Variants in APH1B observed in about 807,000 individuals in gnomAD.
APH1B encodes the protein gamma-secretase subunit APH-1B.
Under a neutral mutation model 28.2 loss-of-function variants are expected in APH1B, and 27 were observed. That is an observed-to-expected ratio of 0.96 (90% CI 0.70 to 1.32). The LOEUF is 1.32. Among genes scored for constraint, APH1B ranks in the 40% most tolerant of loss-of-function variants. The pLI is 0.00. For synonymous variants in APH1B, 141 were observed against 124.6 expected, an observed-to-expected ratio of 1.13 and a Z score of -0.88; for missense variants, 305 against 313.6, an observed-to-expected ratio of 0.97 and a Z score of 0.21.
At chr15:63,296,111 C>T (rs2038564212) in intron 4 of APH1B, among the ~76,000 whole-genome samples, 1 of 152,142 alleles carries the variant, frequency 6.6e-6, no homozygotes, top group Non-Finnish European at 1.5e-5. Context: ...AGTTAAATCC[C>T]CATTAGAGAA....
At position 63,294,492 on chromosome 15, in the gene APH1B, C is replaced by A. The variant is rs565239011; in HGVS notation, c.478+6946C>A. On this transcript the variant is annotated intron_variant, in intron 4 of 5. Transcript: ENST00000261879. ...CCACTTGTACCAGTTCACTTTTCCC[C>A]CTTTCCACAGCTCTGCTAAAGACAG... 2.0e-5 allele frequency among the ~76,000 whole-genome samples: 3 copies of A among 152,178 alleles called. No homozygotes were observed. In the South Asian group the frequency reaches 6.2e-4, roughly 32 times the overall value.
At chr15:63,279,648 G>T (rs74977919) in intron 2 of APH1B, among the ~76,000 whole-genome samples, 442 of 152,270 alleles carry the variant, frequency 2.9e-3, no homozygotes, top group Non-Finnish European at 4.0e-3. Context: ...AGTAGGAAGA[G>T]ACAGACAATA....
At chr15:63,305,396 G>A (rs908824872) in intron 5 of APH1B, among the ~76,000 whole-genome samples, 1 of 152,114 alleles carries the variant, frequency 6.6e-6, no homozygotes, top group Non-Finnish European at 1.5e-5. Flanking sequence ...TGCCTTCTAG[G>A]GTTACCATCT....
intron 4 of APH1B, among the ~76,000 whole-genome samples, chr15:63,293,603 T>C (rs1412295298): frequency 1.3e-5 from 2 of 152,102 alleles, no homozygotes; most frequent in Non-Finnish European, 2.9e-5. Flanking sequence ...GTTCAAGCGA[T>C]TCTCCTGCCT....
At chr15:63,287,302 C>T (rs976605352) in intron 3 of APH1B, 122 bp from the exon 4 acceptor site, 2 of 1,365,722 alleles carry the variant, frequency 1.5e-6, no homozygotes, top group African/African-American at 2.9e-5. Flanking sequence ...CAGCTGTCCA[C>T]TGCTTCAGGA....
At position 63,299,226 on chromosome 15, in the gene APH1B, G is replaced by A. The variant is rs527489660; in HGVS notation, c.479-3119G>A. ...GAGGTGTATGGACTTGACTTTGGAGGCAAAGTCAATCCATCAGACTTCTTA... is the reference window on the plus strand; with the variant it reads ...GAGGTGTATGGACTTGACTTTGGAGACAAAGTCAATCCATCAGACTTCTTA... On this transcript the variant is annotated intron_variant, in intron 4 of 5. Transcript: ENST00000261879. Among the ~76,000 whole-genome samples, 4 of 152,166 alleles carry A rather than the reference G, an allele frequency of 2.6e-5. No individual in the cohort carries two copies. The East Asian group carries it at 7.7e-4, about 29-fold the overall frequency.
At chr15:63,295,220 CAT>C (rs2038552245) in intron 4 of APH1B, among the ~76,000 whole-genome samples, 1 of 152,174 alleles carries the variant, frequency 6.6e-6, no homozygotes, top group African/African-American at 2.4e-5. Context: ...TAGAGACAAA[CAT>C]AGAAATTAAT....
intron 2 of APH1B, among the ~76,000 whole-genome samples, chr15:63,285,916 C>T (rs1296981722): frequency 2.0e-5 from 3 of 152,126 alleles, no homozygotes; most frequent in Non-Finnish European, 2.9e-5. Flanking sequence ...ATATGTAAAA[C>T]GTTTTAGAAT....
chr15:63,280,930 C>T (rs1301075606), intron 2 of APH1B, among the ~76,000 whole-genome samples: 4 of 152,188 alleles, frequency 2.6e-5, no homozygotes, highest in Non-Finnish European at 4.4e-5. Context: ...AGGCCAATTG[C>T]TTGAGCTGAG....
intron 2 of APH1B, among the ~76,000 whole-genome samples, chr15:63,281,520 A>T (rs2038387086): frequency 7.1e-6 from 1 of 139,862 alleles, no homozygotes; most frequent in African/African-American, 2.6e-5. Flanking sequence ...TTTTCATGCC[A>T]TGGGTCTAAT....
intron 2 of APH1B, among the ~76,000 whole-genome samples, chr15:63,281,149 C>T (rs922295559): frequency 1.3e-5 from 2 of 151,702 alleles, no homozygotes; most frequent in Non-Finnish European, 2.9e-5. Flanking sequence ...AAAAAACAAA[C>T]AAGCAAAAAC....
intron 2 of APH1B, among the ~76,000 whole-genome samples, chr15:63,282,137 A>T (rs1322022361): frequency 6.6e-6 from 1 of 152,218 alleles, no homozygotes; most frequent in Non-Finnish European, 1.5e-5. Flanking sequence ...ATAATGCTTT[A>T]TTTATGACTG....
At chr15:63,279,356 T>G in intron 2 of APH1B, 25 bp downstream of exon 2, 2 of 1,565,948 alleles carry the variant, frequency 1.3e-6, no homozygotes, top group Non-Finnish European at 1.7e-6. Context: ...TGCCTTACCT[T>G]TTTTTTCCCC....
At chr15:63,303,965 C>T (rs143026998) in intron 5 of APH1B, among the ~76,000 whole-genome samples, 106 of 151,502 alleles carry the variant, frequency 7.0e-4, no homozygotes, top group African/African-American at 2.4e-3. Flanking sequence ...GTACATGTGT[C>T]GACTGTTCAT....
At chr15:63,295,414 G>GTTTTA (rs2038554889) in intron 4 of APH1B, among the ~76,000 whole-genome samples, 1 of 152,174 alleles carries the variant, frequency 6.6e-6, no homozygotes, top group South Asian at 2.1e-4. Flanking sequence ...GTTTTGTTTT[G>GTTTTA]TTTTGCAGCA....
chr15:63,281,452 A>G (rs2038386662), intron 2 of APH1B, among the ~76,000 whole-genome samples: 2 of 151,624 alleles, frequency 1.3e-5, no homozygotes, highest in Non-Finnish European at 2.9e-5. Context: ...TACTCTTCAC[A>G]GCTCAGCCTC....
At chr15:63,286,999 G>A (rs908303465) in intron 3 of APH1B, among the ~76,000 whole-genome samples, 3 of 152,156 alleles carry the variant, frequency 2.0e-5, no homozygotes, top group Non-Finnish European at 4.4e-5. Flanking sequence ...TACACTTTGA[G>A]AATTATGTTT....
chr15:63,303,666 T>A (rs942569114), intron 5 of APH1B, among the ~76,000 whole-genome samples: 1 of 152,118 alleles, frequency 6.6e-6, no homozygotes, highest in Non-Finnish European at 1.5e-5. Context: ...TGGCTAACTT[T>A]TAAATTTTTT....
intron 5 of APH1B, among the ~76,000 whole-genome samples, chr15:63,305,226 C>G (rs2038673867): frequency 6.6e-6 from 1 of 152,172 alleles, no homozygotes; most frequent in Non-Finnish European, 1.5e-5. Context: ...AAGACTATTC[C>G]CTCATGTTCC....
Sources: allele counts gnomAD v4.1 joint callset (sites outside exome capture counted in the v4.1 genomes callset), GRCh38; gene constraint gnomAD v4.1.1; transcripts MANE v1.5; gene names NCBI Gene and HGNC (gene_info 2026-07-23, HGNC 2026-07-21).